The following ZMIZ1 variants were observed in gnomAD, a reference collection of about 807,000 sequenced individuals.
ZMIZ1 encodes zinc finger MIZ-type containing 1.
Under a neutral mutation model 113.9 loss-of-function variants are expected in ZMIZ1, and 17 were observed. The ratio of observed to expected loss-of-function variants is 0.15; its 90% CI spans 0.10 to 0.22. ZMIZ1 has a LOEUF of 0.22. ZMIZ1 is among the 10% of genes least tolerant of loss of function. The pLI, the probability that ZMIZ1 is intolerant of heterozygous loss-of-function variation, is 1.00. For missense variants in ZMIZ1, 1,059 were observed against 1,477.8 expected (o/e 0.72, Z 4.65); for synonymous variants, 607 against 603.1 (o/e 1.01, Z -0.09).
chr10:79,246,072 G>C (rs1007880572), intron 7 of ZMIZ1, among the ~76,000 whole-genome samples: 6 of 152,248 alleles, frequency 3.9e-5, no homozygotes, highest in Non-Finnish European at 7.3e-5. Context: ...CATTTGTTTT[G>C]TGGCAGCCTG....
intron 1 of ZMIZ1, among the ~76,000 whole-genome samples, chr10:79,104,126 A>G (rs545005775): frequency 5.3e-5 from 8 of 152,308 alleles, no homozygotes; most frequent in South Asian, 4.1e-4. Context: ...TCACCAGACA[A>G]TGTAGTGACC....
chr10:79,175,605 T>C (rs1445766165), intron 4 of ZMIZ1, among the ~76,000 whole-genome samples: 1 of 118,406 alleles, frequency 8.4e-6, no homozygotes, highest in African/African-American at 4.2e-5. Flanking sequence ...TGTGTGTGTG[T>C]GTGTGTGTGT....
At chr10:79,189,273 G>A (rs980946818) in intron 4 of ZMIZ1, among the ~76,000 whole-genome samples, 16 of 152,150 alleles carry the variant, frequency 1.1e-4, no homozygotes, top group African/African-American at 3.1e-4. Flanking sequence ...CTTCTGAGGC[G>A]CCCTGTTGAG....
chr10:79,253,288 G>GT (rs1487472219), intron 7 of ZMIZ1, among the ~76,000 whole-genome samples: 1 of 152,212 alleles, frequency 6.6e-6, no homozygotes, highest in Non-Finnish European at 1.5e-5. Context: ...TCGTTTGCAA[G>GT]TTGAATGGCT....
At chr10:79,234,938 C>T (rs1849531338) in intron 7 of ZMIZ1, among the ~76,000 whole-genome samples, 1 of 152,234 alleles carries the variant, frequency 6.6e-6, no homozygotes, top group Non-Finnish European at 1.5e-5. Flanking sequence ...GGACAGTGAC[C>T]TGCACCTGGT....
chr10:79,114,508 T>TGC (rs774152748), intron 1 of ZMIZ1, among the ~76,000 whole-genome samples: 1,372 of 64,768 alleles, frequency 0.021, 17 homozygotes, highest in South Asian at 0.042. Context: ...TGTGTGTGCG[T>TGC]GTGTGTGTGT....
At chr10:79,279,616 TG>T (rs1852571706) in intron 8 of ZMIZ1, among the ~76,000 whole-genome samples, 1 of 152,188 alleles carries the variant, frequency 6.6e-6, no homozygotes, top group Admixed American at 6.5e-5. Flanking sequence ...GGCAGGCAGC[TG>T]GGAGGTGGAG....
intron 1 of ZMIZ1, among the ~76,000 whole-genome samples, chr10:79,112,790 G>T (rs145211757): frequency 1.3e-5 from 2 of 152,338 alleles, no homozygotes; most frequent in East Asian, 3.9e-4. Flanking sequence ...ATTTGGGGAG[G>T]GAGGGTTCCT....
intron 7 of ZMIZ1, among the ~76,000 whole-genome samples, chr10:79,270,292 G>A (rs984721944): frequency 1.1e-4 from 16 of 152,208 alleles, no homozygotes; most frequent in Non-Finnish European, 1.5e-4. Context: ...GCTCTTCCTC[G>A]GTGCCTTCCT....
At chr10:79,169,171 G>T (rs903005597) in intron 4 of ZMIZ1, among the ~76,000 whole-genome samples, 12 of 152,212 alleles carry the variant, frequency 7.9e-5, no homozygotes, top group African/African-American at 2.4e-4. Flanking sequence ...GGACAGGCTG[G>T]CATGAGACGG....
intron 7 of ZMIZ1, among the ~76,000 whole-genome samples, chr10:79,274,268 C>T (rs1274618182): frequency 1.3e-5 from 2 of 152,272 alleles, no homozygotes; most frequent in Non-Finnish European, 2.9e-5. Context: ...CACCCTGGGA[C>T]TGTTTTTGCC....
At position 79,276,169 on chromosome 10, in the gene ZMIZ1, C is replaced by T. The variant is rs538137702; in HGVS notation, c.281-1012C>T. Among the ~76,000 whole-genome samples, 3 of 152,320 alleles carry T rather than the reference C, an allele frequency of 2.0e-5. No homozygotes were observed. In the East Asian group the frequency reaches 5.8e-4, roughly 29 times the overall value. On this transcript the variant is annotated intron_variant, in intron 7 of 24. Coordinates refer to ENST00000334512, the MANE Select transcript of ZMIZ1 (RefSeq NM_020338.4). ...GAGGAAGGCAGGACACGAGGCATTA[C>T]TCCTTTTTACCTCTAAGCAAACTGA...
chr10:79,177,548 C>G (rs1052956053), intron 4 of ZMIZ1, among the ~76,000 whole-genome samples: 1 of 152,190 alleles, frequency 6.6e-6, no homozygotes, highest in East Asian at 1.9e-4. Flanking sequence ...TAGGACTTGC[C>G]GAAACACACA....
At chr10:79,241,233 T>C (rs1849815565) in intron 7 of ZMIZ1, among the ~76,000 whole-genome samples, 1 of 152,190 alleles carries the variant, frequency 6.6e-6, no homozygotes, top group Non-Finnish European at 1.5e-5. Flanking sequence ...CCACCACATC[T>C]GTTTTCTGGG....
intron 1 of ZMIZ1, among the ~76,000 whole-genome samples, chr10:79,077,334 T>C (rs753399518): frequency 4.6e-5 from 7 of 152,150 alleles, no homozygotes; most frequent in Non-Finnish European, 1.0e-4. Flanking sequence ...CTGAAACCCT[T>C]TCCTGGTGTG....
intron 4 of ZMIZ1, among the ~76,000 whole-genome samples, chr10:79,190,753 G>A (rs926932881): frequency 6.6e-6 from 1 of 152,132 alleles, no homozygotes; most frequent in African/African-American, 2.4e-5. Flanking sequence ...TTGTTTGCAG[G>A]CTACTGTGAG....
At chr10:79,085,809 A>G (rs1330049973) in intron 1 of ZMIZ1, among the ~76,000 whole-genome samples, 2 of 152,154 alleles carry the variant, frequency 1.3e-5, no homozygotes, top group African/African-American at 4.8e-5. Context: ...AGCTGTGCCC[A>G]GTGGCCAGGG....
chr10:79,263,733 TC>T (rs527298458), intron 7 of ZMIZ1, among the ~76,000 whole-genome samples: 111 of 151,630 alleles, frequency 7.3e-4, no homozygotes, highest in African/African-American at 2.5e-3. Flanking sequence ...TGAGGTCAAA[TC>T]AAATCAAGGG....
At chr10:79,121,743 T>G (rs914484930) in intron 2 of ZMIZ1, among the ~76,000 whole-genome samples, 8 of 152,112 alleles carry the variant, frequency 5.3e-5, no homozygotes, top group Non-Finnish European at 8.8e-5. Flanking sequence ...GGTACCACTA[T>G]GGAAGGAAAT....
Sources: allele counts gnomAD v4.1 joint callset (sites outside exome capture counted in the v4.1 genomes callset), GRCh38; gene constraint gnomAD v4.1.1; transcripts MANE v1.5; gene names NCBI Gene and HGNC (gene_info 2026-07-23, HGNC 2026-07-21).